Variants in EFCAB6 observed in about 807,000 individuals in gnomAD.
The protein encoded by EFCAB6 is EF-hand calcium-binding domain-containing protein 6.
EFCAB6 carries 156 observed loss-of-function variants against 169.8 expected under a neutral mutation model. The ratio of observed to expected loss-of-function variants is 0.92; its 90% CI spans 0.81 to 1.05. The LOEUF is 1.05. EFCAB6 is among the 50% of genes least tolerant of loss of function. EFCAB6 has a pLI of 0.00. For missense variants in EFCAB6, 1,800 were observed against 1,829.1 expected (o/e 0.98, Z 0.29); for synonymous variants, 698 against 676.4 (o/e 1.03, Z -0.50).
chr22:43,783,247 G>C (rs9614183), intron 2 of EFCAB6, among the ~76,000 whole-genome samples: 3 of 151,794 alleles, frequency 2.0e-5, no homozygotes, highest in African/African-American at 4.8e-5. Context: ...TGGATAACGG[G>C]GCAAATAATA....
chr22:43,810,489 T>A (rs2063075340), intron 1 of EFCAB6, among the ~76,000 whole-genome samples: 1 of 152,212 alleles, frequency 6.6e-6, no homozygotes, highest in Admixed American at 6.5e-5. Flanking sequence ...CTGTCTCAGT[T>A]GTTAACAACT....
At chr22:43,671,874 A>T (rs961939185) in intron 15 of EFCAB6, 99 bp downstream of exon 15, 2 of 1,347,856 alleles carry the variant, frequency 1.5e-6, no homozygotes, top group Non-Finnish European at 2.0e-6. Flanking sequence ...TATCAATACT[A>T]CCTATTAATA....
At chr22:43,649,217 T>A (rs1352199604) in intron 17 of EFCAB6, among the ~76,000 whole-genome samples, 1 of 152,132 alleles carries the variant, frequency 6.6e-6, no homozygotes, top group African/African-American at 2.4e-5. Context: ...AGCACATAGG[T>A]TTTATAAATT....
At chr22:43,675,314 ATATTATAC>A (rs1274556893) in intron 13 of EFCAB6, among the ~76,000 whole-genome samples, 5 of 40,438 alleles carry the variant, frequency 1.2e-4, no homozygotes, top group Non-Finnish European at 1.7e-4. Context: ...ATATTATAGT[ATATTATAC>A]TATAATATAT....
At chr22:43,613,265 T>C (rs2053453570) in intron 21 of EFCAB6, among the ~76,000 whole-genome samples, 1 of 150,466 alleles carries the variant, frequency 6.6e-6, no homozygotes, top group Non-Finnish European at 1.5e-5. Flanking sequence ...GCAAATATAT[T>C]CATATCATAT....
In EFCAB6 at chr22:43,530,860, A is replaced by C; in HGVS notation, c.4338T>G (p.Tyr1446Ter). ...WRPMRRTFKS[Y>*]DEAGTGLLSV... ...TTAGCAGCCCTGTTCCAGCCTCATC[A>C]TAGCTTTTGAACGTGCGCCGCATTG... is the stretch of plus-strand genomic sequence containing the variant. The change falls in exon 31 of 32, where the codon TAT becomes TAG. Residue 1446 changes from tyrosine (Y) to a stop codon, truncating the protein, a stop_gained. Transcript: ENST00000262726. LOFTEE classifies it high-confidence loss of function. 6.2e-7 allele frequency: 1 copy of C among 1,614,196 alleles called. No homozygotes were observed. Among genetic ancestry groups the C allele is most frequent in the Non-Finnish European group, 8.5e-7 (1 of 1,180,046 alleles).
Position 43,537,372 on chromosome 22 carries a change from C to T in EFCAB6, c.4048+5G>A, listed in dbSNP as rs202108291. On this transcript the variant is annotated splice_donor_5th_base_variant and intron_variant, in intron 29 of 31. Coordinates refer to ENST00000262726, the MANE Select transcript of EFCAB6 (RefSeq NM_022785.4). The surrounding 1 kb of genome is among the most constrained non-coding windows in gnomAD (Gnocchi z 4.3). ...TATTACCAAGCAGATAGAATCTGAA[C>T]GAACCCAGGAAATCGGAGGCGTTGA... The T allele has an allele frequency of 8.7e-6, 14 of 1,613,730 alleles. No homozygotes were observed. In the East Asian group the frequency reaches 8.9e-5, roughly 10 times the overall value.
intron 4 of EFCAB6, among the ~76,000 whole-genome samples, chr22:43,769,535 G>A (rs1466088655): frequency 1.3e-5 from 2 of 152,264 alleles, no homozygotes; most frequent in East Asian, 3.9e-4. Context: ...CAGCAATAAA[G>A]GGTGATGTGG....
chr22:43,615,998 C>T, intron 20 of EFCAB6, 76 bp from the exon 21 acceptor site: 2 of 1,256,560 alleles, frequency 1.6e-6, no homozygotes, highest in Non-Finnish European at 2.2e-6. Flanking sequence ...GTTTCCCTAT[C>T]CCCCCTGTTT....
At chr22:43,582,013 G>A (rs188970063) in intron 24 of EFCAB6, among the ~76,000 whole-genome samples, 2 of 152,206 alleles carry the variant, frequency 1.3e-5, no homozygotes, top group East Asian at 1.9e-4. Flanking sequence ...TCATCAAGAG[G>A]TCTTTGAGAA....
intron 20 of EFCAB6, among the ~76,000 whole-genome samples, chr22:43,626,139 C>G (rs563386038): frequency 1.2e-4 from 18 of 152,054 alleles, no homozygotes; most frequent in African/African-American, 4.3e-4. Context: ...AAGACACACA[C>G]GTATATATGT....
intron 8 of EFCAB6, among the ~76,000 whole-genome samples, chr22:43,718,740 C>A (rs1301020948): frequency 6.6e-6 from 1 of 152,162 alleles, no homozygotes; most frequent in Non-Finnish European, 1.5e-5. Flanking sequence ...GAGATCATGC[C>A]ACTGCACTCT....
intron 10 of EFCAB6, among the ~76,000 whole-genome samples, chr22:43,697,648 AAGATAAC>A (rs780745494): frequency 6.6e-6 from 1 of 152,180 alleles, no homozygotes; most frequent in Non-Finnish European, 1.5e-5. Flanking sequence ...CAAAGTCACA[AAGATAAC>A]AGCTGATTAT....
intron 27 of EFCAB6, among the ~76,000 whole-genome samples, chr22:43,550,588 C>A (rs897132192): frequency 6.6e-6 from 1 of 151,074 alleles, no homozygotes; most frequent in African/African-American, 2.4e-5. Context: ...AGGAGAACTG[C>A]TTGAACCCGA....
intron 27 of EFCAB6, among the ~76,000 whole-genome samples, chr22:43,545,008 G>A (rs190615985): frequency 9.2e-5 from 14 of 152,156 alleles, no homozygotes; most frequent in African/African-American, 2.6e-4. Flanking sequence ...TTAGCCGGGC[G>A]TGGTGGCGGG....
intron 19 of EFCAB6, among the ~76,000 whole-genome samples, chr22:43,629,052 ACTGT>A (rs2054734694): frequency 6.6e-6 from 1 of 152,150 alleles, no homozygotes; most frequent in Non-Finnish European, 1.5e-5. Context: ...CCAGGTCCTC[ACTGT>A]CTATCTACTA....
rs1258989855 is a variant in EFCAB6, at chr22:43,744,724, G to A, written c.508-8731C>T. The stretch of plus-strand genomic sequence containing the variant: ...AAGCACTGTCCTAATTACTCCCCAC[G>A]GACCCTATAGGAGAGCTTCCCAGAG... On this transcript the variant is annotated intron_variant, in intron 6 of 31. Transcript: ENST00000262726. This position sits in a 1 kb window ranked among gnomAD's most constrained non-coding sequence, Gnocchi z 4.3. Among the ~76,000 whole-genome samples, 4 of 152,218 alleles carry A rather than the reference G, an allele frequency of 2.6e-5. No homozygotes were observed. Among genetic ancestry groups the A allele is most frequent in the African/African-American group, 4.8e-5 (2 of 41,530 alleles).
At position 43,572,864 on chromosome 22, in the gene EFCAB6, C is replaced by T. The variant is rs541127832; in HGVS notation, c.3420+3433G>A. Among the ~76,000 whole-genome samples, 4 of 152,304 alleles carry T rather than the reference C, an allele frequency of 2.6e-5. No individual in the cohort carries two copies. Among genetic ancestry groups the T allele is most frequent in the East Asian group, 1.9e-4 (1 of 5,184 alleles). ...CTGCTAAACCTGGCACCCAGCTCAG[C>T]GCCTGGTACACATGGGCCATAGGAA... On this transcript the variant is annotated intron_variant, in intron 26 of 31. Coordinates refer to ENST00000262726, the MANE Select transcript of EFCAB6 (RefSeq NM_022785.4). The surrounding 1 kb of genome is among the most constrained non-coding windows in gnomAD (Gnocchi z 4.0).
At chr22:43,615,086 CAG>C (rs766512255) in intron 21 of EFCAB6, among the ~76,000 whole-genome samples, 5 of 152,306 alleles carry the variant, frequency 3.3e-5, no homozygotes, top group Admixed American at 6.5e-5. Flanking sequence ...AGAGCACACA[CAG>C]AAAGAAAATG....
Sources: allele counts gnomAD v4.1 joint callset (sites outside exome capture counted in the v4.1 genomes callset), GRCh38; gene constraint gnomAD v4.1.1; non-coding constraint Gnocchi (gnomAD v3.1); transcripts MANE v1.5; gene names NCBI Gene and HGNC (gene_info 2026-07-23, HGNC 2026-07-21).